The following EPHA6 variants were observed in gnomAD, a reference collection of about 807,000 sequenced individuals.
The protein encoded by EPHA6 is ephrin type-A receptor 6.
In EPHA6, 50 loss-of-function variants were observed where a neutral mutation model predicts 112.0. The ratio of observed to expected loss-of-function variants is 0.45; its 90% CI spans 0.36 to 0.56. EPHA6 has a LOEUF of 0.56. EPHA6 is among the 20% of genes least tolerant of loss of function. The pLI, the probability that EPHA6 is intolerant of heterozygous loss-of-function variation, is 0.00. For synonymous variants in EPHA6, 529 were observed against 490.7 expected (o/e 1.08, Z -1.03); for missense variants, 1,280 against 1,417.4 (o/e 0.90, Z 1.56).
chr3:97,354,992 A>G (rs771475681), intron 5 of EPHA6, among the ~76,000 whole-genome samples: 1 of 152,196 alleles, frequency 6.6e-6, no homozygotes, highest in African/African-American at 2.4e-5. Flanking sequence ...ACAACCCTTT[A>G]TCCTGGAATC....
chr3:97,666,811 T>G (rs2030169574), intron 14 of EPHA6, among the ~76,000 whole-genome samples: 3 of 152,188 alleles, frequency 2.0e-5, no homozygotes, highest in Non-Finnish European at 4.4e-5. Flanking sequence ...TCAGAACCAA[T>G]GAGAGGTTGT....
intron 1 of EPHA6, among the ~76,000 whole-genome samples, chr3:96,847,295 C>T (rs116043092): frequency 0.014 from 2,194 of 152,036 alleles, 60 homozygotes; most frequent in African/African-American, 0.05. Context: ...CCTAAGTAGT[C>T]AGTAATTTCT....
chr3:97,308,368 G>C (rs2081409097), intron 5 of EPHA6, among the ~76,000 whole-genome samples: 1 of 151,658 alleles, frequency 6.6e-6, no homozygotes, highest in African/African-American at 2.4e-5. Flanking sequence ...ACTCAACATA[G>C]CAAGCAAGTT....
chr3:97,550,827 A>G (rs550108472), intron 11 of EPHA6, among the ~76,000 whole-genome samples: 1 of 152,264 alleles, frequency 6.6e-6, no homozygotes, highest in East Asian at 1.9e-4. Flanking sequence ...ACACACATTA[A>G]GCAGTAAGTA....
At chr3:96,976,878 C>T (rs991250379) in intron 2 of EPHA6, among the ~76,000 whole-genome samples, 1 of 152,174 alleles carries the variant, frequency 6.6e-6, no homozygotes, top group Non-Finnish European at 1.5e-5. Context: ...TGGGATTCAT[C>T]CTCCAAAGGA....
chr3:96,814,965 G>C lies in EPHA6; in HGVS notation c.342G>C (p.Leu114=). 1 of 1,545,228 alleles carries C rather than the reference G, an allele frequency of 6.5e-7. No homozygotes were observed. The highest frequency in any genetic ancestry group is 8.8e-7 in the Non-Finnish European group (1 of 1,142,544). The change falls in exon 1 of 18, where the codon CTG becomes CTC. Residue 114 remains leucine (L), a synonymous_variant. Transcript: ENST00000389672. The part of the protein sequence containing the change: ...LLQFGFFLPL[L]TAWPGDCSHV... ...AATTTGGTTTCTTCTTGCCTCTGCT[G>C]ACAGCGTGGCCAGGCGACTGCAGTC...
Position 97,296,312 on chromosome 3 carries a change from C to G in EPHA6, c.1606+52025C>G, listed in dbSNP as rs114358048. 7.6e-3 allele frequency among the ~76,000 whole-genome samples: 1,156 copies of G among 152,222 alleles called. 25 individuals carry two copies. The highest frequency in any genetic ancestry group is 0.027 in the African/African-American group (1,102 of 41,522). ...ACCAGCAGTGTTGGATAGTCTAGCA[C>G]TATCCCCAGGACACTAGACAGTGTG... On this transcript the variant is annotated intron_variant, in intron 5 of 17. Coordinates refer to ENST00000389672, the MANE Select transcript of EPHA6 (RefSeq NM_001080448.3).
intron 11 of EPHA6, among the ~76,000 whole-genome samples, chr3:97,550,708 G>A (rs940203147): frequency 5.9e-5 from 9 of 152,132 alleles, no homozygotes; most frequent in African/African-American, 2.2e-4. Flanking sequence ...AAGAAATAGA[G>A]GGGGAAATCC....
intron 2 of EPHA6, among the ~76,000 whole-genome samples, chr3:96,935,308 A>G (rs1271866447): frequency 6.6e-6 from 1 of 151,834 alleles, no homozygotes; most frequent in Non-Finnish European, 1.5e-5. Context: ...GATTATTTGA[A>G]CAAATTAAGA....
At chr3:96,876,414 A>C (rs1576209811) in intron 2 of EPHA6, among the ~76,000 whole-genome samples, 3 of 151,306 alleles carry the variant, frequency 2.0e-5, no homozygotes, top group African/African-American at 7.3e-5. Context: ...TTCCTCTCCA[A>C]GTTACCATAG....
In EPHA6 at chr3:97,228,266, C is replaced by G. The variant is rs562037692; in HGVS notation, c.1270+1847C>G. Among the ~76,000 whole-genome samples, 11 of 152,230 alleles carry G rather than the reference C, an allele frequency of 7.2e-5. No homozygotes were observed. The South Asian group carries it at 2.3e-3, about 32-fold the overall frequency. The stretch of plus-strand genomic sequence containing the variant: ...TTCTGAGATTTTGGTGCACCCATCA[C>G]TCGAGCAGTGTACACTGTACTCAAT... On this transcript the variant is annotated intron_variant, in intron 4 of 17. Coordinates refer to ENST00000389672, the MANE Select transcript of EPHA6 (RefSeq NM_001080448.3).
At chr3:96,826,514 C>G (rs972724375) in intron 1 of EPHA6, among the ~76,000 whole-genome samples, 1 of 152,008 alleles carries the variant, frequency 6.6e-6, no homozygotes, top group African/African-American at 2.4e-5. Context: ...CTAAGATTAT[C>G]CTGTTCAGTG....
chr3:97,155,146 A>G (rs530086870), intron 3 of EPHA6, among the ~76,000 whole-genome samples: 122 of 152,294 alleles, frequency 8.0e-4, no homozygotes, highest in African/African-American at 2.6e-3. Flanking sequence ...TTAAGTAATT[A>G]TTATTTTAAA....
Position 97,447,201 on chromosome 3 carries a change from A to C in EPHA6, c.1732-1367A>C, listed in dbSNP as rs77219668. Among the ~76,000 whole-genome samples, 500 of 152,294 alleles carry C rather than the reference A, an allele frequency of 3.3e-3. 3 individuals are homozygous for C. Among genetic ancestry groups the C allele is most frequent in the African/African-American group, 0.011 (442 of 41,582 alleles). On this transcript the variant is annotated intron_variant, in intron 6 of 17. Coordinates refer to ENST00000389672, the MANE Select transcript of EPHA6 (RefSeq NM_001080448.3). ...TTTTCTGAAAAGTAGCTTAAGAGAA[A>C]TGATTTTCATAGTTCTAAATCTTAA...
intron 3 of EPHA6, among the ~76,000 whole-genome samples, chr3:97,119,348 G>A (rs2047979609): frequency 6.6e-6 from 1 of 151,956 alleles, no homozygotes; most frequent in Non-Finnish European, 1.5e-5. Context: ...TTATTATGAG[G>A]AACACTGTCA....
intron 3 of EPHA6, among the ~76,000 whole-genome samples, chr3:97,046,251 A>T (rs773506466): frequency 6.6e-6 from 1 of 152,200 alleles, no homozygotes; most frequent in South Asian, 2.1e-4. Flanking sequence ...GATTTATCCC[A>T]TGGATTGAAG....
intron 3 of EPHA6, among the ~76,000 whole-genome samples, chr3:97,206,526 C>T (rs1483041581): frequency 6.6e-6 from 1 of 151,942 alleles, no homozygotes; most frequent in African/African-American, 2.4e-5. Context: ...TCTATTTGCT[C>T]ATTCTTCTCA....
At position 97,118,894 on chromosome 3, in the gene EPHA6, C is replaced by T. The variant is rs114999649; in HGVS notation, c.1115-107370C>T. The stretch of plus-strand genomic sequence containing the variant: ...TGACTTCCTATGTTTACAAGCAGAT[C>T]GATACCATCTCTTCAAATGTTCTAG... On this transcript the variant is annotated intron_variant, in intron 3 of 17. Coordinates refer to ENST00000389672, the MANE Select transcript of EPHA6 (RefSeq NM_001080448.3). Among the ~76,000 whole-genome samples, 464 of 151,978 alleles carry T rather than the reference C, an allele frequency of 3.1e-3. 3 individuals are homozygous for T. Among genetic ancestry groups the T allele is most frequent in the African/African-American group, 0.01 (422 of 41,504 alleles).
At chr3:97,545,372 G>A (rs563101493) in intron 11 of EPHA6, among the ~76,000 whole-genome samples, 1 of 152,092 alleles carries the variant, frequency 6.6e-6, no homozygotes, top group African/African-American at 2.4e-5. Context: ...GTAGTTTAGG[G>A]TTTTGAGTGA....
Sources: gnomAD v4.1 joint callset for allele counts (sites outside exome capture counted in the v4.1 genomes callset) on GRCh38, gnomAD v4.1.1 for gene constraint, MANE v1.5 for transcripts, NCBI Gene and HGNC (gene_info 2026-07-23, HGNC 2026-07-21) for gene names.